The following ENOX2 variants were observed in gnomAD, a reference collection of about 807,000 sequenced individuals.
ENOX2 encodes the protein ecto-NOX disulfide-thiol exchanger 2, also known as APK1 antigen.
ENOX2 carries 36 observed loss-of-function variants against 45.0 expected under a neutral mutation model. That is an observed-to-expected ratio of 0.80 (90% CI 0.61 to 1.06). The LOEUF is 1.06. Ranked by LOEUF, ENOX2 falls within the 50% of genes least tolerant of loss-of-function variation. The pLI is 0.00. For synonymous variants in ENOX2, 174 were observed against 152.3 expected (o/e 1.14, Z -1.05); for missense variants, 423 against 462.5 (o/e 0.91, Z 0.78).
At chrX:130,885,920 T>A (rs1377495162) in intron 2 of ENOX2, among the ~76,000 whole-genome samples, 1 of 112,488 alleles carries the variant, frequency 8.9e-6, no homozygotes, top group African/African-American at 3.2e-5. Flanking sequence ...CACATTAAAA[T>A]GTACACAGAA....
intron 2 of ENOX2, among the ~76,000 whole-genome samples, chrX:130,871,012 T>C (rs774386931): frequency 8.2e-5 from 9 of 110,410 alleles, no homozygotes; most frequent in Non-Finnish European, 1.5e-4. Context: ...AGTCATCAAA[T>C]AGCATTTCTA....
chrX:130,796,432 A>G (rs1179426671), intron 2 of ENOX2, among the ~76,000 whole-genome samples: 2 of 112,161 alleles, frequency 1.8e-5, no homozygotes, highest in Non-Finnish European at 3.8e-5. Flanking sequence ...ACCATGGCAT[A>G]AAGGCTGCCA....
intron 2 of ENOX2, among the ~76,000 whole-genome samples, chrX:130,818,707 C>T (rs1047851462): frequency 1.8e-5 from 2 of 111,588 alleles, no homozygotes; most frequent in African/African-American, 3.3e-5. Flanking sequence ...TGCAGAAAAC[C>T]GAAACTGGAC....
At chrX:130,792,516 C>T (rs750608739) in intron 2 of ENOX2, among the ~76,000 whole-genome samples, 4 of 112,486 alleles carry the variant, frequency 3.6e-5, no homozygotes, top group East Asian at 5.6e-4. Context: ...AAGTTCAGGC[C>T]GGGCACAGTG....
chrX:130,675,276 C>T (rs1413930299), intron 6 of ENOX2, among the ~76,000 whole-genome samples: 1 of 111,532 alleles, frequency 9.0e-6, no homozygotes, highest in Non-Finnish European at 1.9e-5. Flanking sequence ...CTCTCCAGCA[C>T]CTGTTGTTTC....
At chrX:130,849,301 C>T (rs2078166505) in intron 2 of ENOX2, among the ~76,000 whole-genome samples, 1 of 112,257 alleles carries the variant, frequency 8.9e-6, no homozygotes, top group African/African-American at 3.2e-5. Flanking sequence ...TATATATGTT[C>T]CAGTTTTCAC....
At chrX:130,781,832 G>A (rs1024888682) in intron 3 of ENOX2, among the ~76,000 whole-genome samples, 5 of 110,827 alleles carry the variant, frequency 4.5e-5, no homozygotes, top group South Asian at 3.9e-4. Flanking sequence ...GGAGAAAAAC[G>A]GCTGCTACAT....
At chrX:130,631,833 C>G (rs1352144866) in intron 12 of ENOX2, among the ~76,000 whole-genome samples, 11 of 90,271 alleles carry the variant, frequency 1.2e-4, no homozygotes, top group Non-Finnish European at 2.4e-4. Flanking sequence ...CTGCCTTCAT[C>G]TTGACTTTAT....
At chrX:130,687,915 G>A (rs919186376) in intron 5 of ENOX2, among the ~76,000 whole-genome samples, 1 of 111,953 alleles carries the variant, frequency 8.9e-6, no homozygotes, top group Non-Finnish European at 1.9e-5. Flanking sequence ...TCCTATTAAA[G>A]GTAGGAGATG....
chrX:130,783,570 C>T lies in ENOX2; in HGVS notation c.-62G>A, dbSNP rs1309514268. The T allele has an allele frequency of 6.1e-6, 2 of 328,241 alleles. No homozygotes were observed. The highest frequency in any genetic ancestry group is 2.0e-4 in the East Asian group (2 of 10,175). 27.1% of individuals were successfully genotyped at this position (328,241 alleles called of 1,213,427 possible). On this transcript the variant is annotated 5_prime_UTR_variant, in exon 3 of 15. Transcript: ENST00000394363. ...ACCTGAAGGAGTATTTGTTCTCTTT[C>T]TTTTCTTGCTTGATTCCCCTCCATT... is the stretch of plus-strand genomic sequence containing the variant.
chrX:130,656,191 T>C (rs2036541902), intron 10 of ENOX2, among the ~76,000 whole-genome samples: 1 of 112,581 alleles, frequency 8.9e-6, no homozygotes, highest in South Asian at 3.7e-4. Context: ...AGATAGTTTA[T>C]TATGAAATTG....
intron 6 of ENOX2, 125 bp from the exon 7 acceptor site, chrX:130,670,323 T>C (rs758619129): frequency 2.0e-4 from 98 of 492,250 alleles, no homozygotes; most frequent in Non-Finnish European, 3.0e-4. Flanking sequence ...CCAAGTTCAG[T>C]GTTTCAGATG....
At chrX:130,817,845 G>C (rs1196025708) in intron 2 of ENOX2, among the ~76,000 whole-genome samples, 1 of 112,056 alleles carries the variant, frequency 8.9e-6, no homozygotes, top group African/African-American at 3.3e-5. Context: ...CATTCCCTTT[G>C]AAAACTGGCA....
chrX:130,674,553 CAAG>C (rs1307432861), intron 6 of ENOX2, among the ~76,000 whole-genome samples: 2 of 111,354 alleles, frequency 1.8e-5, no homozygotes, highest in Non-Finnish European at 3.8e-5. Context: ...GCACGAGAAA[CAAG>C]AAGAAAATTA....
At chrX:130,791,175 C>G (rs1443702008) in intron 2 of ENOX2, among the ~76,000 whole-genome samples, 1 of 111,225 alleles carries the variant, frequency 9.0e-6, no homozygotes, top group Non-Finnish European at 1.9e-5. Flanking sequence ...GAATGTTAGC[C>G]TATACTTTTC....
intron 3 of ENOX2, among the ~76,000 whole-genome samples, chrX:130,760,014 T>G (rs2039445477): frequency 8.9e-6 from 1 of 112,030 alleles, no homozygotes; most frequent in South Asian, 3.7e-4. Context: ...ATACAGCTCC[T>G]GTACACATTT....
Position 130,679,695 on chromosome X carries a change from C to A in ENOX2, c.307G>T (p.Val103Leu). 1 of 1,211,814 alleles carries A rather than the reference C, an allele frequency of 8.3e-7. No homozygotes were observed. The highest frequency in any genetic ancestry group is 1.1e-6 in the Non-Finnish European group (1 of 895,301). The change falls in exon 6 of 15, where the codon GTG (valine) becomes TTG (leucine). Residue 103 changes from valine (V) to leucine (L), a missense_variant. Val to Leu is a conservative substitution (Grantham distance 32, BLOSUM62 1). Coordinates refer to ENST00000394363, the MANE Select transcript of ENOX2 (RefSeq NM_006375.4). The part of the protein sequence containing the change: ...ERPPGCKTVF[V>L]GGLPENGTEQ... ...GTCCCATTTTCAGGCAGACCACCCA[C>A]AAATACTGTTTTGCATCCTGGTGGT...
At chrX:130,653,921 G>A (rs1157013096) in intron 10 of ENOX2, among the ~76,000 whole-genome samples, 3 of 111,915 alleles carry the variant, frequency 2.7e-5, no homozygotes, top group African/African-American at 6.5e-5. Flanking sequence ...CACCAGCATC[G>A]AAATCATTTA....
intron 10 of ENOX2, among the ~76,000 whole-genome samples, chrX:130,648,353 C>T (rs373063144): frequency 1.8e-5 from 2 of 108,717 alleles, no homozygotes; most frequent in African/African-American, 6.7e-5. Flanking sequence ...CAGGAGAATC[C>T]CTTGAACCCA....
Sources: allele counts gnomAD v4.1 joint callset (sites outside exome capture counted in the v4.1 genomes callset), GRCh38; gene constraint gnomAD v4.1.1; transcripts MANE v1.5; gene names NCBI Gene and HGNC (gene_info 2026-07-23, HGNC 2026-07-21).